The following PCDHA10 variants were observed in gnomAD, a reference collection of about 807,000 sequenced individuals.
The protein encoded by PCDHA10 is protocadherin alpha 10.
PCDHA10 carries 45 observed loss-of-function variants against 61.2 expected under a neutral mutation model. The ratio of observed to expected loss-of-function variants is 0.74; its 90% CI spans 0.58 to 0.94. The LOEUF (loss-of-function observed/expected upper bound fraction) is 0.94. PCDHA10 is among the 40% of genes least tolerant of loss of function. PCDHA10 has a pLI of 0.00. For missense variants in PCDHA10, 1,278 were observed against 1,236.2 expected (o/e 1.03, Z -0.51); for synonymous variants, 602 against 548.8 (o/e 1.10, Z -1.35).
At chr5:140,883,853 G>C in intron 1 of PCDHA10, 2 of 1,613,002 alleles carry the variant, frequency 1.2e-6, no homozygotes, top group Middle Eastern at 1.9e-4. Flanking sequence ...CGAGGAGCTG[G>C]AGCTGTTGCA....
intron 1 of PCDHA10, among the ~76,000 whole-genome samples, chr5:140,915,458 G>A (rs1172885235): frequency 6.6e-6 from 1 of 152,126 alleles, no homozygotes; most frequent in Non-Finnish European, 1.5e-5. Context: ...TTTCCAGAAG[G>A]TTTTTATTTG....
chr5:140,863,121 G>A, intron 1 of PCDHA10: 2 of 592,122 alleles, frequency 3.4e-6, no homozygotes, highest in South Asian at 2.7e-5. Context: ...CGAAAGCTAC[G>A]CGCCACCGCC....
At chr5:140,870,252 GGTGACCT>G in intron 1 of PCDHA10, 5 of 1,614,198 alleles carry the variant, frequency 3.1e-6, no homozygotes, top group Non-Finnish European at 4.2e-6. Context: ...TCAACGGACA[GGTGACCT>G]GCTCGCTGAC....
intron 1 of PCDHA10, among the ~76,000 whole-genome samples, chr5:140,908,277 T>C (rs2073893618): frequency 6.6e-6 from 1 of 152,162 alleles, no homozygotes; most frequent in Non-Finnish European, 1.5e-5. Context: ...CATGAGGCCA[T>C]TGTTGCAAGC....
chr5:140,988,021 T>C (rs2097278466), intron 3 of PCDHA10, among the ~76,000 whole-genome samples: 1 of 152,216 alleles, frequency 6.6e-6, no homozygotes. Context: ...AGCATGATTC[T>C]TAAGTTTTTT....
At chr5:140,968,653 C>T (rs1301566656) in intron 1 of PCDHA10, 1 of 1,614,150 alleles carries the variant, frequency 6.2e-7, no homozygotes, top group Non-Finnish European at 8.5e-7. Flanking sequence ...AGACTTCTGA[C>T]CTGGACCTCT....
At chr5:140,952,705 T>C (rs2094784320) in intron 1 of PCDHA10, among the ~76,000 whole-genome samples, 1 of 152,160 alleles carries the variant, frequency 6.6e-6, no homozygotes, top group Non-Finnish European at 1.5e-5. Context: ...TATCCCACTC[T>C]CAGTATCAAT....
chr5:140,908,604 C>T (rs1011069667), intron 1 of PCDHA10, among the ~76,000 whole-genome samples: 10 of 152,114 alleles, frequency 6.6e-5, no homozygotes, highest in African/African-American at 2.2e-4. Flanking sequence ...GATGGAAGGG[C>T]CTTGCTCCAA....
At chr5:140,871,438 C>G (rs1246532449) in intron 1 of PCDHA10, 3 of 1,611,836 alleles carry the variant, frequency 1.9e-6, no homozygotes, top group Middle Eastern at 1.7e-4. Flanking sequence ...TCCTCTAGGT[C>G]TGAATAAAGA....
chr5:140,986,777 G>A (rs1203790689), intron 3 of PCDHA10, among the ~76,000 whole-genome samples: 5 of 152,234 alleles, frequency 3.3e-5, no homozygotes, highest in Admixed American at 6.5e-5. Flanking sequence ...ATTAGGTAGC[G>A]GAAGCCACTA....
At chr5:140,979,826 G>A (rs1338756237) in intron 2 of PCDHA10, among the ~76,000 whole-genome samples, 1 of 152,184 alleles carries the variant, frequency 6.6e-6, no homozygotes, top group East Asian at 1.9e-4. Context: ...TAATTTTAAA[G>A]AAGAAATAAT....
intron 1 of PCDHA10, chr5:140,861,477 A>AT (rs2046941356): frequency 1.6e-5 from 8 of 493,206 alleles, no homozygotes; most frequent in South Asian, 1.2e-4. Context: ...GCAGAATGGC[A>AT]TTTTTGTGAG....
intron 1 of PCDHA10, among the ~76,000 whole-genome samples, chr5:140,887,136 G>A (rs1460345753): frequency 2.2e-4 from 33 of 148,834 alleles, no homozygotes; most frequent in Middle Eastern, 3.2e-3. Context: ...TCACTCTGTC[G>A]CCCAGGCTGG....
chr5:140,869,297 G>T lies in PCDHA10; in HGVS notation c.2388+10861G>T. 3.7e-6 allele frequency: 6 copies of T among 1,613,580 alleles called. No homozygotes were observed. The highest frequency in any genetic ancestry group is 1.1e-5 in the South Asian group (1 of 91,050). On this transcript the variant is annotated intron_variant, in intron 1 of 3. Transcript: ENST00000307360. ...GCGGAGCTGGTGCAGCGCCTGTTCC[G>T]GGTGGCGTCCAAAACACATGGGGAC...
At chr5:140,988,014 A>G (rs782358781) in intron 3 of PCDHA10, among the ~76,000 whole-genome samples, 4 of 152,242 alleles carry the variant, frequency 2.6e-5, no homozygotes, top group African/African-American at 7.2e-5. Context: ...GAAAGAAAGC[A>G]TGATTCTTAA....
At chr5:140,867,461 T>C (rs1197194209) in intron 1 of PCDHA10, 1 of 152,126 alleles carries the variant, frequency 6.6e-6, no homozygotes, top group African/African-American at 2.4e-5. Context: ...TCTAGTGTTA[T>C]GACAACATTG....
chr5:140,858,159 C>T lies in PCDHA10; in HGVS notation c.2111C>T (p.Ala704Val), dbSNP rs782574934. The T allele has an allele frequency of 3.8e-6, 6 of 1,597,644 alleles. No homozygotes were observed. In the Admixed American group the frequency reaches 5.1e-5, roughly 13 times the overall value. Residue 704 changes from alanine to valine, a missense_variant, in exon 1 of 4, where the codon GCG (alanine) becomes GTG (valine). By Grantham distance (64) the Ala-to-Val change is moderately conservative (BLOSUM62 0). Coordinates refer to ENST00000307360, the MANE Select transcript of PCDHA10 (RefSeq NM_018901.4). ...GTGTACCTGATCATCGCCATCTGCG[C>T]GGTGTCCAGCTTGCTGGTGCTCACG... ...VNVYLIIAIC[A>V]VSSLLVLTLL...
chr5:140,967,029 G>A, intron 1 of PCDHA10: 1 of 1,609,056 alleles, frequency 6.2e-7, no homozygotes, highest in Non-Finnish European at 8.5e-7. Flanking sequence ...CCCAGTCCGC[G>A]CTACCTGGAG....
intron 1 of PCDHA10, among the ~76,000 whole-genome samples, chr5:140,972,015 G>A (rs782728118): frequency 2.6e-5 from 4 of 152,004 alleles, no homozygotes; most frequent in Admixed American, 6.5e-5. Context: ...CCTTTTATAT[G>A]GGATATTCAG....
Sources: gnomAD v4.1 joint callset for allele counts (sites outside exome capture counted in the v4.1 genomes callset) on GRCh38, gnomAD v4.1.1 for gene constraint, MANE v1.5 for transcripts, NCBI Gene and HGNC (gene_info 2026-07-23, HGNC 2026-07-21) for gene names.